Variants in HDGF observed in about 807,000 individuals in gnomAD.
HDGF encodes heparin binding growth factor, also known as hepatoma-derived growth factor.
Under a neutral mutation model 30.0 loss-of-function variants are expected in HDGF, and 5 were observed. That is an observed-to-expected ratio of 0.17 (90% CI 0.09 to 0.35). The LOEUF is 0.35. Among genes scored for constraint, HDGF ranks in the 10% least tolerant of loss-of-function variants. The pLI is 1.00. For missense variants in HDGF, 214 were observed against 302.8 expected (o/e 0.71, Z 2.18); for synonymous variants, 133 against 112.7 (o/e 1.18, Z -1.14).
At chr1:156,763,749 C>T (rs981245162) in intron 1 of HDGF, among the ~76,000 whole-genome samples, 1 of 151,730 alleles carries the variant, frequency 6.6e-6, no homozygotes, top group African/African-American at 2.4e-5. Flanking sequence ...CCACGCCCAG[C>T]TAACTTTTTT....
At chr1:156,761,074 G>A (rs1483985967) in intron 1 of HDGF, among the ~76,000 whole-genome samples, 2 of 152,060 alleles carry the variant, frequency 1.3e-5, no homozygotes, top group Non-Finnish European at 2.9e-5. Context: ...ACATTGGGAA[G>A]TGGAGGTTGG....
chr1:156,761,950 A>AT (rs1479431665), intron 1 of HDGF, among the ~76,000 whole-genome samples: 2 of 139,366 alleles, frequency 1.4e-5, no homozygotes, highest in African/African-American at 2.5e-5. Context: ...AAAAAAAAAA[A>AT]AATTAATTAA....
At position 156,765,472 on chromosome 1, in the gene HDGF, C is replaced by CTTTTTTTTTT. The variant is rs71080793; in HGVS notation, n.136+1308_136+1317dup. On this transcript the variant is annotated intron_variant and non_coding_transcript_variant, in intron 1 of 7. Coordinates refer to the HDGF transcript ENST00000465180. Reference sequence around the variant, plus strand: ...TCCTTCTTTCCTTCTTTCTTTCTTTCTTTTTTTTTTTTTTTTTTTTGAGAT... The same window carrying CTTTTTTTTTT: ...TCCTTCTTTCCTTCTTTCTTTCTTTCTTTTTTTTTTTTTTTTTTTTTTTTTTTTTTGAGAT... 2.6e-3 allele frequency among the ~76,000 whole-genome samples: 220 copies of CTTTTTTTTTT among 85,968 alleles called. 1 individual carries two copies. The highest frequency in any genetic ancestry group is 0.019 in the Middle Eastern group (2 of 106). 56.4% of individuals were successfully genotyped at this position (85,968 alleles called of 152,430 possible). A position where few individuals can be genotyped will look rare whatever the true frequency, so the allele number is the denominator to read the frequency against.
At chr1:156,743,995 A>C in intron 4 of HDGF, 117 bp from the exon 5 acceptor site, 1 of 1,045,368 alleles carries the variant, frequency 9.6e-7, no homozygotes, top group Non-Finnish European at 1.5e-6. Context: ...CCCCAACCCT[A>C]CTAGCTGAAA....
At position 156,751,209 on chromosome 1, in the gene HDGF, CAGAG is replaced by C. The variant is rs1280783522; in HGVS notation, c.87+130_87+133del. ...AACCGGCGGGTGGGCTTGGAAGCGA[CAGAG>C]AAAGAGCCGGAGACCTACAAGCCCC... On this transcript the variant is annotated intron_variant, in intron 1 of 5. Transcript: ENST00000357325. The surrounding 1 kb of genome is among the most constrained non-coding windows in gnomAD (Gnocchi z 4.7). The C allele has an allele frequency of 9.2e-6, 11 of 1,193,636 alleles. No homozygotes were observed. Among genetic ancestry groups the C allele is most frequent in the Non-Finnish European group, 1.2e-5 (11 of 927,728 alleles). 73.9% of individuals were successfully genotyped at this position (1,193,636 alleles called of 1,614,324 possible). A position where few individuals can be genotyped will look rare whatever the true frequency, so the allele number is the denominator to read the frequency against.
intron 4 of HDGF, 25 bp downstream of exon 4, chr1:156,744,138 C>T: frequency 6.2e-7 from 1 of 1,611,356 alleles, no homozygotes; most frequent in Non-Finnish European, 8.5e-7. Context: ...GAGGGGGGCC[C>T]AGGCCCTGGG....
At chr1:156,760,489 G>A (rs1651231505) in intron 1 of HDGF, among the ~76,000 whole-genome samples, 2 of 152,228 alleles carry the variant, frequency 1.3e-5, no homozygotes, top group African/African-American at 4.8e-5. Context: ...ATGGCAGGGT[G>A]GGGACTGAAA....
chr1:156,766,023 A>G (rs977922433), intron 1 of HDGF, among the ~76,000 whole-genome samples: 1 of 152,244 alleles, frequency 6.6e-6, no homozygotes, highest in Non-Finnish European at 1.5e-5. Context: ...CATCTATTGA[A>G]TAGGAATCTC....
rs751189044 is a variant in HDGF, at chr1:156,745,408, T to C, written c.88-35A>G. 1.9e-6 allele frequency: 3 copies of C among 1,593,276 alleles called. No individual in the cohort carries two copies. In the South Asian group the frequency reaches 3.3e-5, roughly 18 times the overall value. On this transcript the variant is annotated intron_variant, in intron 1 of 5. Coordinates refer to ENST00000357325, the MANE Select transcript of HDGF (RefSeq NM_004494.3). ...GATGAGGGGGTGAGGTTAGCTAGAGTCCTGAGGTTTTGAGCCTGAGGCAGG... is the reference window on the plus strand; with the variant it reads ...GATGAGGGGGTGAGGTTAGCTAGAGCCCTGAGGTTTTGAGCCTGAGGCAGG...
At chr1:156,751,893 G>A (rs1651008763), upstream of HDGF, 1 of 960,228 alleles carries the variant, frequency 1.0e-6, no homozygotes, top group Non-Finnish European at 1.4e-6. This position sits in a 1 kb window ranked among gnomAD's most constrained non-coding sequence, Gnocchi z 4.7. Context: ...GCGCGTGGCG[G>A]CACAGGCATA....
chr1:156,744,046 G>A, intron 4 of HDGF, 117 bp downstream of exon 4: 1 of 1,177,892 alleles, frequency 8.5e-7, no homozygotes, highest in Middle Eastern at 2.0e-4. Flanking sequence ...GACTCCCCAA[G>A]ACTAGGGGCT....
chr1:156,752,459 G>T, upstream of HDGF: 1 of 1,161,306 alleles, frequency 8.6e-7, no homozygotes, highest in South Asian at 1.3e-5. Flanking sequence ...AGTCGGTTAC[G>T]GTAGAATGCC....
At chr1:156,744,442 T>TC in intron 3 of HDGF, 94 bp from the exon 4 acceptor site, 2 of 1,562,606 alleles carry the variant, frequency 1.3e-6, no homozygotes, top group South Asian at 1.1e-5. Context: ...TCCTTCCTTT[T>TC]CCCGCCTCTC....
At chr1:156,746,291 A>G (rs1014884587) in intron 1 of HDGF, among the ~76,000 whole-genome samples, 1 of 151,742 alleles carries the variant, frequency 6.6e-6, no homozygotes, top group East Asian at 1.9e-4. Flanking sequence ...TATCTGCAGC[A>G]CGGTGCTTAG....
intron 1 of HDGF, among the ~76,000 whole-genome samples, chr1:156,746,782 G>A (rs1245957478): frequency 1.3e-5 from 2 of 152,190 alleles, no homozygotes; most frequent in Non-Finnish European, 2.9e-5. Context: ...CAGGCTTCCC[G>A]CCGGACAGAG....
rs1164242519 is a variant in HDGF at position 156,743,793 on chromosome 1, G to A, written c.575C>T (p.Pro192Leu). The change falls in exon 5 of 6, where the codon CCT becomes CTT. Residue 192 changes from proline (P) to leucine (L), a missense_variant. Pro to Leu is a moderately conservative substitution (Grantham distance 98, BLOSUM62 -3). Coordinates refer to ENST00000357325, the MANE Select transcript of HDGF (RefSeq NM_004494.3). ...AATLEVERPL[P>L]MEVEKNSTPS... ...GGTGCTATTCTTTTCCACCTCCATA[G>A]GAAGGGGCCTCTCAACCTCCAAGGT... 1 of 1,607,998 alleles carries A rather than the reference G, an allele frequency of 6.2e-7. No homozygotes were observed. Among genetic ancestry groups the A allele is most frequent in the East Asian group, 2.2e-5 (1 of 44,838 alleles).
chr1:156,760,883 G>T lies in HDGF; in HGVS notation n.137-1664C>A, dbSNP rs1215268881. Reference sequence around the variant, plus strand: ...TGTATCTTTGAAATTCAAAGTATACGTGGAAACCAAAATAAGATTATATCA... The same window carrying T: ...TGTATCTTTGAAATTCAAAGTATACTTGGAAACCAAAATAAGATTATATCA... On this transcript the variant is annotated intron_variant and non_coding_transcript_variant, in intron 1 of 7. Coordinates refer to the HDGF transcript ENST00000465180. Among the ~76,000 whole-genome samples, 18 of 149,642 alleles carry T rather than the reference G, an allele frequency of 1.2e-4. 1 individual carries two copies. The South Asian group carries it at 3.8e-3, about 32-fold the overall frequency.
intron 1 of HDGF, among the ~76,000 whole-genome samples, chr1:156,764,200 G>A (rs1571563522): frequency 1.3e-5 from 2 of 151,756 alleles, no homozygotes; most frequent in African/African-American, 4.8e-5. Flanking sequence ...TTACAGGCGT[G>A]AGCCACCGTA....
rs751252522 is a variant in HDGF at position 156,743,471 on chromosome 1, G to A, written c.717-16C>T. On this transcript the variant is annotated splice_polypyrimidine_tract_variant and intron_variant, in intron 5 of 5. Coordinates refer to ENST00000357325, the MANE Select transcript of HDGF (RefSeq NM_004494.3). ...TGGCTACAGGCTGTGAGGGAGGGTT[G>A]GAGGGGAGAAGGGTTAATGGTGTGG... 5 of 1,529,578 alleles carry A rather than the reference G, an allele frequency of 3.3e-6. No individual in the cohort carries two copies. In the South Asian group the frequency reaches 3.9e-5, roughly 12 times the overall value. 94.8% of individuals were successfully genotyped at this position (1,529,578 alleles called of 1,614,324 possible). A position where few individuals can be genotyped will look rare whatever the true frequency, so the allele number is the denominator to read the frequency against.
Sources: allele counts gnomAD v4.1 joint callset (sites outside exome capture counted in the v4.1 genomes callset), GRCh38; gene constraint gnomAD v4.1.1; non-coding constraint Gnocchi (gnomAD v3.1); transcripts MANE v1.5; gene names NCBI Gene and HGNC (gene_info 2026-07-23, HGNC 2026-07-21).